LMBRD1: variants seen among roughly 807,000 people sequenced by gnomAD.
LMBRD1 encodes LMBR1 domain containing 1, also known as lysosomal cobalamin transport escort protein LMBD1.
Under a neutral mutation model 74.8 loss-of-function variants are expected in LMBRD1, and 64 were observed. That is an observed-to-expected ratio of 0.86 (90% CI 0.70 to 1.05). The LOEUF is 1.05. Ranked by LOEUF, LMBRD1 falls within the 50% of genes least tolerant of loss-of-function variation. The pLI is 0.00. For synonymous variants in LMBRD1, 204 were observed against 216.3 expected, an observed-to-expected ratio of 0.94 and a Z score of 0.50; for missense variants, 652 against 645.9, an observed-to-expected ratio of 1.01 and a Z score of -0.10.
chr6:69,747,309 G>C (rs565385525), intron 5 of LMBRD1, among the ~76,000 whole-genome samples: 6 of 152,152 alleles, frequency 3.9e-5, no homozygotes, highest in Non-Finnish European at 7.4e-5. Flanking sequence ...GACAGAGCAA[G>C]AAGGTGGCCT....
chr6:69,753,138 A>G (rs946069963), intron 3 of LMBRD1, among the ~76,000 whole-genome samples: 1 of 152,162 alleles, frequency 6.6e-6, no homozygotes, highest in Non-Finnish European at 1.5e-5. Context: ...ACTTTTAACC[A>G]GCAGTCAGTC....
At chr6:69,707,903 A>G (rs1486454978) in intron 9 of LMBRD1, among the ~76,000 whole-genome samples, 1 of 152,200 alleles carries the variant, frequency 6.6e-6, no homozygotes. Context: ...TGGTTGCACA[A>G]CATTGTGAAT....
intron 3 of LMBRD1, among the ~76,000 whole-genome samples, chr6:69,778,919 G>A (rs1380226354): frequency 5.9e-5 from 9 of 152,120 alleles, no homozygotes. Context: ...AGGGCACGGT[G>A]CCTCACGCCT....
At chr6:69,688,565 C>T (rs898787258) in intron 14 of LMBRD1, among the ~76,000 whole-genome samples, 2 of 151,954 alleles carry the variant, frequency 1.3e-5, no homozygotes, top group Non-Finnish European at 2.9e-5. Flanking sequence ...GTTTCAGTAA[C>T]TACCTTCAGT....
At chr6:69,695,810 A>ATTT (rs71748632) in intron 14 of LMBRD1, among the ~76,000 whole-genome samples, 1 of 147,080 alleles carries the variant, frequency 6.8e-6, no homozygotes. Context: ...TCAACTAATC[A>ATTT]TTTTTTTTTA....
chr6:69,675,230 C>G lies in LMBRD1; in HGVS notation c.*928G>C, dbSNP rs1765521304. Among the ~76,000 whole-genome samples the G allele has an allele frequency of 5.3e-5, 8 of 152,104 alleles. No homozygotes were observed. In the South Asian group the frequency reaches 1.7e-3, roughly 32 times the overall value. On this transcript the variant is annotated 3_prime_UTR_variant, in exon 16 of 16. Transcript: ENST00000649934. ...TTTACCTCAAGGATCATGATATATACTTTTTTATGAGTTCTAATGTGCTTA... is the reference window on the plus strand; with the variant it reads ...TTTACCTCAAGGATCATGATATATAGTTTTTTATGAGTTCTAATGTGCTTA...
chr6:69,691,590 G>A (rs1765880009), intron 14 of LMBRD1, among the ~76,000 whole-genome samples: 1 of 151,986 alleles, frequency 6.6e-6, no homozygotes, highest in Non-Finnish European at 1.5e-5. Flanking sequence ...AAGAAAGAAA[G>A]CTTGGGCCGG....
At position 69,733,133 on chromosome 6, in the gene LMBRD1, C is replaced by T. The variant is rs553327157; in HGVS notation, c.636+4809G>A. On this transcript the variant is annotated intron_variant, in intron 7 of 15. Coordinates refer to ENST00000649934, the MANE Select transcript of LMBRD1 (RefSeq NM_018368.4). ...ACTGACACATAAGATAAAAAAATTTCTCTAGCCTCAATACAAAAAAAAAAT... is the reference window on the plus strand; with the variant it reads ...ACTGACACATAAGATAAAAAAATTTTTCTAGCCTCAATACAAAAAAAAAAT... 9.9e-5 allele frequency among the ~76,000 whole-genome samples: 15 copies of T among 152,094 alleles called. No individual in the cohort carries two copies. The East Asian group carries it at 2.7e-3, about 27-fold the overall frequency.
At chr6:69,711,697 T>TA (rs1398675909) in intron 9 of LMBRD1, among the ~76,000 whole-genome samples, 1 of 152,166 alleles carries the variant, frequency 6.6e-6, no homozygotes, top group Non-Finnish European at 1.5e-5. Context: ...GGTATATTTT[T>TA]AAAAATCTCT....
At chr6:69,782,064 T>C (rs1202660724) in intron 2 of LMBRD1, among the ~76,000 whole-genome samples, 1 of 152,212 alleles carries the variant, frequency 6.6e-6, no homozygotes, top group Non-Finnish European at 1.5e-5. Context: ...TAACATCCAG[T>C]AATGCCAAAA....
intron 1 of LMBRD1, among the ~76,000 whole-genome samples, chr6:69,795,970 G>C (rs1766216315): frequency 6.6e-6 from 1 of 152,208 alleles, no homozygotes; most frequent in African/African-American, 2.4e-5. Flanking sequence ...TACAGCCTCG[G>C]ACGATGAGAA....
intron 14 of LMBRD1, among the ~76,000 whole-genome samples, chr6:69,687,522 A>G (rs1275618308): frequency 1.3e-5 from 2 of 152,184 alleles, no homozygotes; most frequent in Non-Finnish European, 2.9e-5. Context: ...AGAATAATAG[A>G]TAAGTAAAAT....
chr6:69,756,936 A>C (rs1369064093), intron 3 of LMBRD1, among the ~76,000 whole-genome samples: 1 of 152,228 alleles, frequency 6.6e-6, no homozygotes, highest in Non-Finnish European at 1.5e-5. Context: ...AGTCAAAGGT[A>C]AGCCACACAA....
intron 3 of LMBRD1, among the ~76,000 whole-genome samples, chr6:69,776,309 A>G (rs1482046888): frequency 6.6e-6 from 1 of 152,230 alleles, no homozygotes; most frequent in African/African-American, 2.4e-5. Context: ...AATTTCATTG[A>G]GGAAGATGAC....
chr6:69,682,442 A>T (rs1372324694), intron 14 of LMBRD1, among the ~76,000 whole-genome samples: 1 of 151,992 alleles, frequency 6.6e-6, no homozygotes, highest in Non-Finnish European at 1.5e-5. Context: ...GTTATATTTA[A>T]ATAAGTTTAA....
intron 7 of LMBRD1, among the ~76,000 whole-genome samples, chr6:69,726,820 C>T (rs1042611659): frequency 1.3e-5 from 2 of 151,266 alleles, no homozygotes; most frequent in Non-Finnish European, 2.9e-5. Context: ...TTTGAAAGCA[C>T]AACAGGTGAA....
intron 5 of LMBRD1, among the ~76,000 whole-genome samples, chr6:69,742,098 G>GA (rs1404250110): frequency 6.6e-6 from 1 of 152,002 alleles, no homozygotes; most frequent in East Asian, 1.9e-4. Flanking sequence ...AATCCCGTAT[G>GA]TTTTTTGCAC....
chr6:69,692,718 C>T (rs1765917166), intron 14 of LMBRD1, among the ~76,000 whole-genome samples: 1 of 152,104 alleles, frequency 6.6e-6, no homozygotes, highest in African/African-American at 2.4e-5. Context: ...TACTGCCCCC[C>T]AGGGCAGAAT....
chr6:69,774,343 C>T (rs1765641481), intron 3 of LMBRD1, among the ~76,000 whole-genome samples: 1 of 152,122 alleles, frequency 6.6e-6, no homozygotes, highest in Non-Finnish European at 1.5e-5. Context: ...TATAAATTAC[C>T]CAGTCTTGGG....
Sources: gnomAD v4.1 joint callset for allele counts (sites outside exome capture counted in the v4.1 genomes callset) on GRCh38, gnomAD v4.1.1 for gene constraint, MANE v1.5 for transcripts, NCBI Gene and HGNC (gene_info 2026-07-23, HGNC 2026-07-21) for gene names.